The following PTPRM variants were observed in gnomAD, a reference collection of about 807,000 sequenced individuals.
PTPRM encodes receptor-type tyrosine-protein phosphatase mu.
PTPRM carries 47 observed loss-of-function variants against 186.7 expected under a neutral mutation model. The ratio of observed to expected loss-of-function variants is 0.25; its 90% CI spans 0.20 to 0.32. The LOEUF (loss-of-function observed/expected upper bound fraction) is 0.32, where lower values mean the gene tolerates loss of function less well. Ranked by LOEUF, PTPRM falls within the 10% of genes least tolerant of loss-of-function variation. The pLI is 1.00. For missense variants in PTPRM, 1,494 were observed against 1,865.0 expected (o/e 0.80, Z 3.66); for synonymous variants, 668 against 674.9 (o/e 0.99, Z 0.16).
chr18:7,874,141 G>A (rs900137657), intron 2 of PTPRM, among the ~76,000 whole-genome samples: 1 of 151,980 alleles, frequency 6.6e-6, no homozygotes, highest in African/African-American at 2.4e-5. Flanking sequence ...CTTCGTATAT[G>A]TGTCTGTATG....
chr18:7,988,435 A>C (rs533826267), intron 7 of PTPRM, among the ~76,000 whole-genome samples: 15 of 152,192 alleles, frequency 9.9e-5, no homozygotes, highest in Admixed American at 4.6e-4. Flanking sequence ...TTATCAGTTT[A>C]ACCATTGTAA....
intron 19 of PTPRM, among the ~76,000 whole-genome samples, chr18:8,286,737 A>AT (rs746943692): frequency 2.0e-5 from 3 of 152,150 alleles, no homozygotes; most frequent in Admixed American, 1.3e-4. Flanking sequence ...AGATGTAATC[A>AT]TTTTTTGCTA....
chr18:7,648,006 A>G (rs1259756137), intron 1 of PTPRM, among the ~76,000 whole-genome samples: 2 of 152,178 alleles, frequency 1.3e-5, no homozygotes, highest in African/African-American at 2.4e-5. Flanking sequence ...GTTTGTGGCA[A>G]TCTTTCATCT....
intron 4 of PTPRM, among the ~76,000 whole-genome samples, chr18:7,920,584 T>C (rs2050802542): frequency 6.6e-6 from 1 of 152,202 alleles, no homozygotes; most frequent in Non-Finnish European, 1.5e-5. Context: ...TTACTGTTTT[T>C]GATAGATTTG....
At chr18:7,898,531 G>A (rs960788974) in intron 3 of PTPRM, among the ~76,000 whole-genome samples, 6 of 152,158 alleles carry the variant, frequency 3.9e-5, no homozygotes, top group Non-Finnish European at 7.3e-5. Flanking sequence ...CCTCTCAGAG[G>A]CCAGTATCCA....
chr18:8,177,377 T>C (rs753902830), intron 14 of PTPRM, among the ~76,000 whole-genome samples: 5 of 152,234 alleles, frequency 3.3e-5, no homozygotes, highest in Non-Finnish European at 7.3e-5. Flanking sequence ...TTCACAAATC[T>C]GGCAGCCCTC....
chr18:8,086,025 G>A (rs1003563894), intron 10 of PTPRM, among the ~76,000 whole-genome samples, 153 bp downstream of exon 10: 2 of 152,152 alleles, frequency 1.3e-5, no homozygotes, highest in East Asian at 3.9e-4. Context: ...AGCTTTAAAT[G>A]AAGTACTACA....
At chr18:8,225,315 T>C (rs530267366) in intron 14 of PTPRM, among the ~76,000 whole-genome samples, 1 of 152,328 alleles carries the variant, frequency 6.6e-6, no homozygotes, top group South Asian at 2.1e-4. Context: ...GTTTGAATAT[T>C]TTAGAGTAAT....
At chr18:8,087,784 T>G (rs1227265642) in intron 10 of PTPRM, among the ~76,000 whole-genome samples, 1 of 152,162 alleles carries the variant, frequency 6.6e-6, no homozygotes, top group East Asian at 1.9e-4. Flanking sequence ...TTTTTGTATA[T>G]GTAAGACAAT....
chr18:7,855,880 A>T (rs1382432571), intron 2 of PTPRM, among the ~76,000 whole-genome samples: 3 of 152,242 alleles, frequency 2.0e-5, no homozygotes, highest in Non-Finnish European at 4.4e-5. Context: ...GTTGTCAGGA[A>T]TGTGGCTGAA....
At chr18:7,701,374 G>T (rs1415035166) in intron 1 of PTPRM, among the ~76,000 whole-genome samples, 1 of 151,870 alleles carries the variant, frequency 6.6e-6, no homozygotes, top group African/African-American at 2.4e-5. Flanking sequence ...GCTGAGGTGG[G>T]TGGATCACAA....
chr18:7,954,516 G>GTGA (rs1416975286), intron 6 of PTPRM, among the ~76,000 whole-genome samples: 6 of 152,118 alleles, frequency 3.9e-5, no homozygotes, highest in Non-Finnish European at 8.8e-5. Flanking sequence ...TTTTAAAGTG[G>GTGA]TGATACCTTT....
At chr18:8,221,208 G>A (rs902810758) in intron 14 of PTPRM, among the ~76,000 whole-genome samples, 1 of 152,150 alleles carries the variant, frequency 6.6e-6, no homozygotes, top group African/African-American at 2.4e-5. Context: ...ATAACCCAAA[G>A]TTTACTCACC....
At chr18:8,126,613 G>A (rs1234879898) in intron 13 of PTPRM, among the ~76,000 whole-genome samples, 1 of 152,114 alleles carries the variant, frequency 6.6e-6, no homozygotes, top group East Asian at 1.9e-4. Flanking sequence ...CACATCCTAA[G>A]TCCTCTTTAT....
At chr18:8,034,347 T>C (rs1361227602) in intron 7 of PTPRM, among the ~76,000 whole-genome samples, 1 of 152,108 alleles carries the variant, frequency 6.6e-6, no homozygotes, top group Non-Finnish European at 1.5e-5. Context: ...CATTTAAATA[T>C]CTTCAACTCA....
intron 9 of PTPRM, among the ~76,000 whole-genome samples, chr18:8,080,822 A>G (rs923741757): frequency 6.6e-6 from 1 of 152,104 alleles, no homozygotes; most frequent in Non-Finnish European, 1.5e-5. Flanking sequence ...TGTATATGAA[A>G]TTGTCTCTTC....
At chr18:7,935,040 GA>G (rs141559235) in intron 5 of PTPRM, among the ~76,000 whole-genome samples, 6,165 of 151,878 alleles carry the variant, frequency 0.041, 404 homozygotes, top group African/African-American at 0.14. Flanking sequence ...TGATTATAAG[GA>G]AAAAAATCAC....
chr18:7,912,486 A>G (rs909252013), intron 4 of PTPRM, among the ~76,000 whole-genome samples: 2 of 151,930 alleles, frequency 1.3e-5, no homozygotes, highest in Admixed American at 1.3e-4. Flanking sequence ...TTTTCTCATT[A>G]TTGTTTTGGC....
At chr18:7,576,264 ATC>A (rs1207487080) in intron 1 of PTPRM, among the ~76,000 whole-genome samples, 1 of 152,222 alleles carries the variant, frequency 6.6e-6, no homozygotes, top group Non-Finnish European at 1.5e-5. Flanking sequence ...ATTCATTTTA[ATC>A]TCTCTTTCTA....
Sources: allele counts gnomAD v4.1 joint callset (sites outside exome capture counted in the v4.1 genomes callset), GRCh38; gene constraint gnomAD v4.1.1; transcripts MANE v1.5; gene names NCBI Gene and HGNC (gene_info 2026-07-23, HGNC 2026-07-21).